The following RAD51B variants were observed in gnomAD, a reference collection of about 807,000 sequenced individuals.
RAD51B encodes the protein DNA repair protein RAD51 homolog 2.
RAD51B carries 38 observed loss-of-function variants against 42.2 expected under a neutral mutation model. That is an observed-to-expected ratio of 0.90 (90% CI 0.70 to 1.18). RAD51B has a LOEUF of 1.18. Ranked by LOEUF, RAD51B falls within the 50% of genes most tolerant of loss-of-function variation. RAD51B has a pLI of 0.00. For missense variants in RAD51B, 373 were observed against 400.7 expected, an observed-to-expected ratio of 0.93 and a Z score of 0.59; for synonymous variants, 154 against 145.2, an observed-to-expected ratio of 1.06 and a Z score of -0.43.
At chr14:68,674,170 T>C (rs926358431) in intron 11 of RAD51B, among the ~76,000 whole-genome samples, 1 of 83,264 alleles carries the variant, frequency 1.2e-5, no homozygotes, top group Non-Finnish European at 2.3e-5. Flanking sequence ...TATACACACA[T>C]ACTGTATACA....
intron 10 of RAD51B, among the ~76,000 whole-genome samples, chr14:68,527,803 A>G (rs945753594): frequency 9.9e-5 from 15 of 152,268 alleles, no homozygotes; most frequent in Admixed American, 4.6e-4. Context: ...TCATTGAGCC[A>G]GAAAGAACTG....
chr14:67,884,846 CTT>C (rs1030799126), intron 5 of RAD51B, among the ~76,000 whole-genome samples: 5 of 152,136 alleles, frequency 3.3e-5, no homozygotes, highest in African/African-American at 1.2e-4. Flanking sequence ...TCTCTCTTCT[CTT>C]TTCCTGTTTT....
chr14:68,510,673 G>C (rs1000484731), intron 10 of RAD51B, among the ~76,000 whole-genome samples: 4 of 152,178 alleles, frequency 2.6e-5, no homozygotes, highest in Non-Finnish European at 4.4e-5. Context: ...GCCACTTAAG[G>C]CTTCTGAGAG....
chr14:68,678,056 A>T (rs973375122), intron 11 of RAD51B, among the ~76,000 whole-genome samples: 1 of 152,206 alleles, frequency 6.6e-6, no homozygotes, highest in Admixed American at 6.5e-5. Flanking sequence ...CAACTTTAAG[A>T]GGTGGATATT....
intron 10 of RAD51B, among the ~76,000 whole-genome samples, chr14:68,592,541 G>C (rs1220293037): frequency 6.6e-6 from 1 of 152,148 alleles, no homozygotes; most frequent in Admixed American, 6.5e-5. Context: ...AAAAAAAGTT[G>C]GTTCAATTGC....
At chr14:68,196,549 T>A (rs2767378) in intron 7 of RAD51B, among the ~76,000 whole-genome samples, 1 of 152,076 alleles carries the variant, frequency 6.6e-6, no homozygotes, top group Admixed American at 6.5e-5. Context: ...TTGCTATTAT[T>A]CTATGGGTCT....
At chr14:68,425,763 TA>T (rs2084815969) in intron 9 of RAD51B, among the ~76,000 whole-genome samples, 1 of 152,174 alleles carries the variant, frequency 6.6e-6, no homozygotes, top group Non-Finnish European at 1.5e-5. Flanking sequence ...GGGTGATGGG[TA>T]AAGGCTGGAA....
chr14:67,898,689 T>G (rs1411752381), intron 7 of RAD51B, among the ~76,000 whole-genome samples: 1 of 152,216 alleles, frequency 6.6e-6, no homozygotes, highest in Non-Finnish European at 1.5e-5. Context: ...GTTGTATGCA[T>G]TAAACATACA....
intron 7 of RAD51B, among the ~76,000 whole-genome samples, chr14:67,954,707 T>C (rs912774708): frequency 6.6e-6 from 1 of 152,156 alleles, no homozygotes; most frequent in Non-Finnish European, 1.5e-5. Context: ...AGGATAGAGA[T>C]GAAATGTTAG....
chr14:68,620,762 T>C (rs896401829), intron 10 of RAD51B, among the ~76,000 whole-genome samples: 7 of 152,246 alleles, frequency 4.6e-5, no homozygotes, highest in Non-Finnish European at 1.5e-5. Context: ...TTTCAGGTCC[T>C]CACCTGTCTG....
intron 7 of RAD51B, among the ~76,000 whole-genome samples, chr14:68,007,873 C>G (rs938786965): frequency 1.3e-4 from 20 of 151,510 alleles, no homozygotes. Context: ...AAGGAATTCA[C>G]AGGGAAGAAA....
chr14:68,178,336 G>C (rs1400206890), intron 7 of RAD51B, among the ~76,000 whole-genome samples: 1 of 152,100 alleles, frequency 6.6e-6, no homozygotes, highest in Non-Finnish European at 1.5e-5. Flanking sequence ...CATTTGTTTA[G>C]TTATGTATCA....
chr14:67,973,638 T>C (rs1318687481), intron 7 of RAD51B, among the ~76,000 whole-genome samples: 1 of 152,160 alleles, frequency 6.6e-6, no homozygotes, highest in Non-Finnish European at 1.5e-5. Context: ...ACATCTAATT[T>C]GTGTTATTTT....
chr14:68,533,885 CA>C (rs2140354471), intron 10 of RAD51B, among the ~76,000 whole-genome samples: 1 of 152,158 alleles, frequency 6.6e-6, no homozygotes, highest in East Asian at 1.9e-4. Flanking sequence ...TGGGTTTAAC[CA>C]AATTTGAAGA....
intron 7 of RAD51B, among the ~76,000 whole-genome samples, chr14:68,271,725 A>G (rs1159723596): frequency 2.6e-5 from 4 of 152,182 alleles, no homozygotes; most frequent in African/African-American, 9.7e-5. Context: ...AAAGGAGGTA[A>G]TCTCTGCGTA....
chr14:67,940,054 ATTTTTTTTTTTTTTTT>A (rs1170220269), intron 7 of RAD51B, among the ~76,000 whole-genome samples: 3 of 14,544 alleles, frequency 2.1e-4, no homozygotes, highest in Non-Finnish European at 2.6e-4. Flanking sequence ...ATATATATAT[ATTTTTTTTTTTTTTTT>A]TTTTTTTTTT....
intron 10 of RAD51B, among the ~76,000 whole-genome samples, chr14:68,568,334 A>T (rs930472637): frequency 2.0e-5 from 3 of 152,218 alleles, no homozygotes; most frequent in Non-Finnish European, 4.4e-5. Flanking sequence ...AAAAAGGGAC[A>T]TCATTGGCAA....
At chr14:67,943,692 C>T (rs1407263781) in intron 7 of RAD51B, among the ~76,000 whole-genome samples, 1 of 152,144 alleles carries the variant, frequency 6.6e-6, no homozygotes, top group Admixed American at 6.5e-5. Flanking sequence ...ATTAAGTACT[C>T]AGAACACTAT....
intron 10 of RAD51B, among the ~76,000 whole-genome samples, chr14:68,555,456 C>A (rs1370583246): frequency 6.6e-6 from 1 of 152,138 alleles, no homozygotes; most frequent in African/African-American, 2.4e-5. Context: ...AGGGTATTTC[C>A]AGTGCTGCCT....
Sources: allele counts gnomAD v4.1 joint callset (sites outside exome capture counted in the v4.1 genomes callset), GRCh38; gene constraint gnomAD v4.1.1; transcripts MANE v1.5; gene names NCBI Gene and HGNC (gene_info 2026-07-23, HGNC 2026-07-21).